SUCLG2: variants seen among roughly 807,000 people sequenced by gnomAD.
SUCLG2 encodes the protein succinate-CoA ligase GDP-forming subunit beta.
A neutral mutation model predicts 47.9 loss-of-function variants in SUCLG2; 42 were observed. The ratio of observed to expected loss-of-function variants is 0.88; its 90% CI spans 0.69 to 1.14. SUCLG2 has a LOEUF of 1.14. Ranked by LOEUF, SUCLG2 falls within the 50% of genes most tolerant of loss-of-function variation. SUCLG2 has a pLI of 0.00. For missense variants in SUCLG2, 571 were observed against 525.9 expected (o/e 1.09, Z -0.84); for synonymous variants, 195 against 197.3 (o/e 0.99, Z 0.10).
At chr3:67,374,279 A>G (rs1157848486), downstream of SUCLG2, among the ~76,000 whole-genome samples, 1 of 152,210 alleles carries the variant, frequency 6.6e-6, no homozygotes, top group Non-Finnish European at 1.5e-5. Flanking sequence ...TCTAAACAAT[A>G]ATGACTTTCA....
At chr3:67,650,902 T>C (rs1235061486) in intron 1 of SUCLG2, among the ~76,000 whole-genome samples, 1 of 152,200 alleles carries the variant, frequency 6.6e-6, no homozygotes, top group African/African-American at 2.4e-5. Context: ...TCAAACTCAG[T>C]GCCCTCAGCC....
Position 67,634,335 on chromosome 3 carries a change from C to G in SUCLG2, c.84+20168G>C, listed in dbSNP as rs557385460. 3.9e-5 allele frequency among the ~76,000 whole-genome samples: 6 copies of G among 152,218 alleles called. No homozygotes were observed. The East Asian group carries it at 1.2e-3, about 29-fold the overall frequency. On this transcript the variant is annotated intron_variant, in intron 1 of 10. Coordinates refer to ENST00000307227, the MANE Select transcript of SUCLG2 (RefSeq NM_003848.4). Reference sequence around the variant, plus strand: ...CAGTGGCTCACACCTATAATCCCAGCACTTTGGGAGGCCGAGGCAGGAGGA... The same window carrying G: ...CAGTGGCTCACACCTATAATCCCAGGACTTTGGGAGGCCGAGGCAGGAGGA...
intron 9 of SUCLG2, among the ~76,000 whole-genome samples, chr3:67,456,400 C>G (rs1013684789): frequency 6.6e-6 from 1 of 152,184 alleles, no homozygotes; most frequent in Non-Finnish European, 1.5e-5. Flanking sequence ...TCAAATGTAA[C>G]TGAAAAACAT....
intron 10 of SUCLG2, among the ~76,000 whole-genome samples, chr3:67,400,112 A>G (rs1313938744): frequency 1.3e-5 from 2 of 152,178 alleles, no homozygotes; most frequent in Non-Finnish European, 2.9e-5. Context: ...TACTTCAACT[A>G]AAACATGTTA....
chr3:67,539,436 T>G (rs1196679063), intron 2 of SUCLG2, among the ~76,000 whole-genome samples: 1 of 152,232 alleles, frequency 6.6e-6, no homozygotes, highest in African/African-American at 2.4e-5. Flanking sequence ...ATAAGCTTTT[T>G]GTTGTGCTGC....
chr3:67,629,670 T>C (rs1347003689), intron 1 of SUCLG2, among the ~76,000 whole-genome samples: 2 of 152,122 alleles, frequency 1.3e-5, no homozygotes, highest in African/African-American at 4.8e-5. Context: ...GGTAGGGGAC[T>C]GAAAACTAAA....
At chr3:67,575,513 G>A (rs1163707903) in intron 2 of SUCLG2, among the ~76,000 whole-genome samples, 1 of 152,162 alleles carries the variant, frequency 6.6e-6, no homozygotes. Flanking sequence ...GGGTTGCCTG[G>A]GGCTGGGGGT....
chr3:67,373,371 T>C (rs1701978656), downstream of SUCLG2, among the ~76,000 whole-genome samples: 1 of 152,126 alleles, frequency 6.6e-6, no homozygotes, highest in Non-Finnish European at 1.5e-5. Flanking sequence ...TTAAATCATT[T>C]ATGTGATTAT....
At chr3:67,361,317 A>C (rs1355410541) in intron 10 of SUCLG2, among the ~76,000 whole-genome samples, 1 of 152,228 alleles carries the variant, frequency 6.6e-6, no homozygotes, top group Admixed American at 6.5e-5. Flanking sequence ...GTTAATGCAT[A>C]GAGTATAAAT....
chr3:67,380,484 C>T (rs1368721452), intron 10 of SUCLG2, among the ~76,000 whole-genome samples: 1 of 152,176 alleles, frequency 6.6e-6, no homozygotes, highest in African/African-American at 2.4e-5. Flanking sequence ...TTCTAGGATC[C>T]ACAAAAGTGA....
intron 9 of SUCLG2, among the ~76,000 whole-genome samples, chr3:67,449,629 T>A (rs13061360): frequency 0.062 from 9,406 of 152,128 alleles, 534 homozygotes; most frequent in African/African-American, 0.16. Context: ...TTTTATTTTA[T>A]TTTTGAGTCA....
chr3:67,565,530 T>C (rs759473620), intron 2 of SUCLG2, among the ~76,000 whole-genome samples: 4 of 152,224 alleles, frequency 2.6e-5, no homozygotes, highest in Non-Finnish European at 5.9e-5. Flanking sequence ...CTGTGTAACA[T>C]TGGCATATAA....
At chr3:67,504,566 T>C (rs1179949282) in intron 7 of SUCLG2, among the ~76,000 whole-genome samples, 2 of 152,142 alleles carry the variant, frequency 1.3e-5, no homozygotes, top group Non-Finnish European at 2.9e-5. Flanking sequence ...GAATTCTTAA[T>C]CTCTAGACTA....
At chr3:67,456,740 C>T (rs759189147) in intron 9 of SUCLG2, among the ~76,000 whole-genome samples, 2 of 152,124 alleles carry the variant, frequency 1.3e-5, no homozygotes, top group Admixed American at 1.3e-4. Flanking sequence ...AAATACATCA[C>T]GGTATCTCTC....
At chr3:67,503,490 C>T (rs1053156383) in intron 7 of SUCLG2, among the ~76,000 whole-genome samples, 6 of 152,186 alleles carry the variant, frequency 3.9e-5, no homozygotes, top group Non-Finnish European at 8.8e-5. Flanking sequence ...TCTATGTCAA[C>T]AGCAGGGCGA....
chr3:67,545,217 A>T (rs1706832856), intron 2 of SUCLG2, among the ~76,000 whole-genome samples: 1 of 152,200 alleles, frequency 6.6e-6, no homozygotes, highest in Non-Finnish European at 1.5e-5. Flanking sequence ...ATAATTCCAA[A>T]TGCTAGAGAT....
intron 1 of SUCLG2, among the ~76,000 whole-genome samples, chr3:67,653,867 C>T (rs12635806): frequency 1.3e-5 from 2 of 152,208 alleles, no homozygotes; most frequent in African/African-American, 2.4e-5. Flanking sequence ...TCTCCATCAA[C>T]AAGGAGGACA....
intron 8 of SUCLG2, among the ~76,000 whole-genome samples, chr3:67,497,578 C>A (rs909649639): frequency 6.6e-6 from 1 of 152,120 alleles, no homozygotes; most frequent in Non-Finnish European, 1.5e-5. Context: ...ACTTTAGCAA[C>A]GTGATTAAAG....
chr3:67,574,236 C>T lies in SUCLG2; in HGVS notation c.226+35219G>A, dbSNP rs116779802. On this transcript the variant is annotated intron_variant, in intron 2 of 10. Coordinates refer to ENST00000307227, the MANE Select transcript of SUCLG2 (RefSeq NM_003848.4). ...TCCCCCTAGTAATCCAGGATAATCTCTCATCTAAACGTTTATACTTGTTAA... is the reference window on the plus strand; with the variant it reads ...TCCCCCTAGTAATCCAGGATAATCTTTCATCTAAACGTTTATACTTGTTAA... Among the ~76,000 whole-genome samples, 1,042 of 152,294 alleles carry T rather than the reference C, an allele frequency of 6.8e-3. 11 individuals are homozygous for T. Among genetic ancestry groups the T allele is most frequent in the African/African-American group, 0.024 (993 of 41,550 alleles).
Sources: gnomAD v4.1 joint callset for allele counts (sites outside exome capture counted in the v4.1 genomes callset) on GRCh38, gnomAD v4.1.1 for gene constraint, MANE v1.5 for transcripts, NCBI Gene and HGNC (gene_info 2026-07-23, HGNC 2026-07-21) for gene names.